TMEM135: variants seen among roughly 807,000 people sequenced by gnomAD.
TMEM135 encodes peroxisomal membrane protein 52.
In TMEM135, 30 loss-of-function variants were observed where a neutral mutation model predicts 60.3. The ratio of observed to expected loss-of-function variants is 0.50; its 90% CI spans 0.37 to 0.68. TMEM135 has a LOEUF of 0.68. Among genes scored for constraint, TMEM135 ranks in the 30% least tolerant of loss-of-function variants. The probability of loss-of-function intolerance (pLI) is 0.00; values close to 1 mark genes in which losing one functional copy is unlikely to be tolerated. For missense variants in TMEM135, 468 were observed against 548.8 expected, an observed-to-expected ratio of 0.85 and a Z score of 1.47; for synonymous variants, 190 against 186.7, an observed-to-expected ratio of 1.02 and a Z score of -0.14.
At chr11:87,201,436 C>G (rs1042497989) in intron 5 of TMEM135, among the ~76,000 whole-genome samples, 2 of 152,050 alleles carry the variant, frequency 1.3e-5, no homozygotes, top group African/African-American at 4.8e-5. Flanking sequence ...TAACTAAGGT[C>G]TCGTAGATGC....
intron 14 of TMEM135, among the ~76,000 whole-genome samples, chr11:87,320,030 A>G (rs1942794055): frequency 6.6e-6 from 1 of 152,218 alleles, no homozygotes; most frequent in African/African-American, 2.4e-5. Context: ...AGATGCTTAT[A>G]GTAGCGCTGG....
At chr11:87,086,188 G>T (rs533883212) in intron 3 of TMEM135, among the ~76,000 whole-genome samples, 2 of 152,160 alleles carry the variant, frequency 1.3e-5, no homozygotes, top group South Asian at 4.2e-4. Context: ...TACCTTGTTG[G>T]CTATGTCTAG....
intron 5 of TMEM135, among the ~76,000 whole-genome samples, chr11:87,186,129 T>C (rs1939647338): frequency 6.6e-6 from 1 of 152,130 alleles, no homozygotes; most frequent in South Asian, 2.1e-4. Flanking sequence ...ATGGTCTCAA[T>C]CTCTTGACTT....
chr11:87,062,873 C>T (rs1040832632), intron 1 of TMEM135, among the ~76,000 whole-genome samples: 20 of 152,140 alleles, frequency 1.3e-4, no homozygotes, highest in Admixed American at 9.8e-4. Context: ...CTAAACAGCA[C>T]GTTTCTAAAC....
chr11:87,124,433 G>A (rs692857), intron 4 of TMEM135, among the ~76,000 whole-genome samples: 72,407 of 151,892 alleles, frequency 0.48, 17,543 homozygotes, highest in East Asian at 0.67. Flanking sequence ...GTATAATCTT[G>A]TGCTGGATCA....
intron 5 of TMEM135, among the ~76,000 whole-genome samples, chr11:87,206,591 G>C (rs1241674124): frequency 2.4e-4 from 37 of 151,994 alleles, no homozygotes; most frequent in Admixed American, 2.4e-3. Context: ...GTTGCTAAGA[G>C]GTTAATCAGA....
chr11:87,172,855 G>A (rs567760360), intron 5 of TMEM135, among the ~76,000 whole-genome samples: 83 of 151,582 alleles, frequency 5.5e-4, no homozygotes, highest in Non-Finnish European at 9.6e-4. Flanking sequence ...AAGAATATTC[G>A]TGAATTAAAT....
At chr11:87,062,264 A>G (rs1245634365) in intron 1 of TMEM135, among the ~76,000 whole-genome samples, 1 of 151,938 alleles carries the variant, frequency 6.6e-6, no homozygotes, top group African/African-American at 2.4e-5. Flanking sequence ...TCGGCCTCCC[A>G]TAGTGCTGGG....
chr11:87,074,247 T>C (rs573629112), intron 3 of TMEM135, among the ~76,000 whole-genome samples: 3 of 152,344 alleles, frequency 2.0e-5, no homozygotes, highest in Admixed American at 6.5e-5. Flanking sequence ...ATTACAGGCA[T>C]GAGCTACTGG....
intron 4 of TMEM135, among the ~76,000 whole-genome samples, chr11:87,120,472 CT>C (rs541561365): frequency 1.7e-3 from 179 of 104,224 alleles, no homozygotes; most frequent in African/African-American, 4.4e-3. Flanking sequence ...GATGAAATTT[CT>C]TTTTTTTTTT....
chr11:87,056,519 C>T (rs1949895925), intron 1 of TMEM135, among the ~76,000 whole-genome samples: 1 of 152,216 alleles, frequency 6.6e-6, no homozygotes, highest in African/African-American at 2.4e-5. Flanking sequence ...ATTACCCTAT[C>T]AAAGATTAGT....
chr11:87,051,050 G>A (rs1296421070), intron 1 of TMEM135, among the ~76,000 whole-genome samples: 1 of 95,042 alleles, frequency 1.1e-5, no homozygotes, highest in Non-Finnish European at 1.9e-5. Flanking sequence ...TATAAACAGA[G>A]CCAAAGACAA....
At chr11:87,155,730 A>G (rs1192945427) in intron 4 of TMEM135, among the ~76,000 whole-genome samples, 1 of 152,194 alleles carries the variant, frequency 6.6e-6, no homozygotes, top group East Asian at 1.9e-4. Context: ...ATCATGGGAC[A>G]GGGAGACAAA....
At chr11:87,240,338 G>A (rs1182952120) in intron 6 of TMEM135, among the ~76,000 whole-genome samples, 1 of 151,820 alleles carries the variant, frequency 6.6e-6, no homozygotes, top group Non-Finnish European at 1.5e-5. Context: ...TATCATTGCT[G>A]TACCTTAGGG....
chr11:87,062,620 G>C (rs947445595), intron 1 of TMEM135, among the ~76,000 whole-genome samples: 1 of 150,892 alleles, frequency 6.6e-6, no homozygotes, highest in African/African-American at 2.4e-5. Context: ...GCCTGCCACT[G>C]TGCCCGGCTA....
At chr11:87,200,446 A>G (rs371478500) in intron 5 of TMEM135, among the ~76,000 whole-genome samples, 7 of 152,282 alleles carry the variant, frequency 4.6e-5, no homozygotes, top group African/African-American at 1.7e-4. Context: ...TTATTTTTAG[A>G]GAAGTTTTAG....
chr11:87,124,301 A>T (rs1005628312), intron 4 of TMEM135, among the ~76,000 whole-genome samples: 1 of 152,240 alleles, frequency 6.6e-6, no homozygotes, highest in Non-Finnish European at 1.5e-5. Context: ...GGAACTTAGC[A>T]GCAGGACCTT....
rs777621737 is a variant in TMEM135 at position 87,302,349 on chromosome 11, C to T, written c.605C>T (p.Ala202Val). ...ACACATTCTTTTTCACCAGAGGCAG[C>T]ATATGCAAAAGTGGAACAAAAGAGA... Reference protein sequence around the residue: ...IPTHSFSPEAAYAKVEQKREQ... With the variant: ...IPTHSFSPEAVYAKVEQKREQ... The change falls in exon 8 of 15, where the codon GCA becomes GTA. Residue 202 changes from alanine to valine, a missense_variant. Transcript: ENST00000305494. 6.2e-7 allele frequency: 1 copy of T among 1,613,680 alleles called. No homozygotes were observed. Among genetic ancestry groups the T allele is most frequent in the Non-Finnish European group, 8.5e-7 (1 of 1,179,876 alleles).
chr11:87,184,496 A>G (rs1939601480), intron 5 of TMEM135, among the ~76,000 whole-genome samples: 1 of 152,190 alleles, frequency 6.6e-6, no homozygotes, highest in African/African-American at 2.4e-5. Context: ...CAAAGACAAT[A>G]CATAGTGAAT....
Sources: allele counts gnomAD v4.1 joint callset (sites outside exome capture counted in the v4.1 genomes callset), GRCh38; gene constraint gnomAD v4.1.1; transcripts MANE v1.5; gene names NCBI Gene and HGNC (gene_info 2026-07-23, HGNC 2026-07-21).